Variants in PBX3 observed in about 807,000 individuals in gnomAD.
PBX3 encodes the protein PBX homeobox 3, also known as pre-B-cell leukemia transcription factor 3.
Under a neutral mutation model 48.5 loss-of-function variants are expected in PBX3, and 14 were observed. The observed-to-expected ratio is 0.29, with a 90% CI of 0.19 to 0.45. PBX3 has a LOEUF of 0.45. PBX3 is among the 20% of genes least tolerant of loss of function. The pLI, the probability that PBX3 is intolerant of heterozygous loss-of-function variation, is 1.00. For missense variants in PBX3, 386 were observed against 546.7 expected, an observed-to-expected ratio of 0.71 and a Z score of 2.93; for synonymous variants, 210 against 200.3, an observed-to-expected ratio of 1.05 and a Z score of -0.41.
intron 2 of PBX3, among the ~76,000 whole-genome samples, chr9:125,915,061 G>C (rs574275085): frequency 6.6e-6 from 1 of 152,096 alleles, no homozygotes; most frequent in East Asian, 1.9e-4. Flanking sequence ...TTTATAGTTT[G>C]CTGGCAATTG....
At chr9:125,925,239 C>T (rs765874005) in intron 3 of PBX3, among the ~76,000 whole-genome samples, 23 of 152,174 alleles carry the variant, frequency 1.5e-4, no homozygotes, top group African/African-American at 5.1e-4. Flanking sequence ...TAGCGTTTCC[C>T]GAAGAGTTTT....
chr9:125,813,899 T>G (rs1314396279), intron 2 of PBX3, among the ~76,000 whole-genome samples: 3 of 149,678 alleles, frequency 2.0e-5, no homozygotes, highest in Non-Finnish European at 3.0e-5. Flanking sequence ...GCACGGTGGC[T>G]CATACCTGTA....
chr9:125,870,836 T>A (rs1276183798), intron 2 of PBX3, among the ~76,000 whole-genome samples: 1 of 152,200 alleles, frequency 6.6e-6, no homozygotes, highest in Admixed American at 6.5e-5. Flanking sequence ...AGACATTGTT[T>A]ATATACCAAA....
At chr9:125,939,242 A>G (rs1453205347) in intron 5 of PBX3, among the ~76,000 whole-genome samples, 1 of 152,162 alleles carries the variant, frequency 6.6e-6, no homozygotes, top group East Asian at 1.9e-4. Flanking sequence ...CAAAATATAT[A>G]AGGAACTCCT....
intron 2 of PBX3, among the ~76,000 whole-genome samples, chr9:125,859,370 A>G (rs998643279): frequency 1.3e-5 from 2 of 152,190 alleles, no homozygotes; most frequent in African/African-American, 4.8e-5. Context: ...GATATGCTTC[A>G]GAGGGAAGGC....
intron 2 of PBX3, among the ~76,000 whole-genome samples, chr9:125,755,794 T>C (rs1253009685): frequency 2.6e-5 from 4 of 151,720 alleles, no homozygotes; most frequent in Non-Finnish European, 5.9e-5. Flanking sequence ...TATGATTATT[T>C]AAATGAAATG....
At chr9:125,786,759 C>G (rs557250286) in intron 2 of PBX3, among the ~76,000 whole-genome samples, 5 of 150,658 alleles carry the variant, frequency 3.3e-5, no homozygotes, top group East Asian at 1.9e-4. Flanking sequence ...GAGTTTCGCT[C>G]TGTCACCCAG....
chr9:125,859,734 A>G (rs1187823884), intron 2 of PBX3, among the ~76,000 whole-genome samples: 1 of 152,206 alleles, frequency 6.6e-6, no homozygotes, highest in African/African-American at 2.4e-5. Flanking sequence ...CCTAGACAGT[A>G]TTGGGTATTT....
chr9:125,917,916 G>A (rs1015699446), intron 3 of PBX3, among the ~76,000 whole-genome samples: 4 of 152,248 alleles, frequency 2.6e-5, no homozygotes, highest in Non-Finnish European at 2.9e-5. Flanking sequence ...TCGTGTGTAT[G>A]TATGTAAAAA....
intron 2 of PBX3, among the ~76,000 whole-genome samples, chr9:125,806,077 G>A (rs907394367): frequency 3.9e-5 from 6 of 152,198 alleles, no homozygotes; most frequent in African/African-American, 1.2e-4. Flanking sequence ...GAGAGGTGGT[G>A]TTGAAATTTT....
intron 2 of PBX3, among the ~76,000 whole-genome samples, chr9:125,803,302 G>C (rs1406122400): frequency 6.6e-6 from 1 of 151,264 alleles, no homozygotes. Context: ...TGGCCAGGCT[G>C]GTCTTGAACT....
intron 2 of PBX3, chr9:125,843,671 T>C (rs1211462512): frequency 5.9e-6 from 2 of 341,744 alleles, no homozygotes; most frequent in Non-Finnish European, 1.2e-5. Flanking sequence ...ACCAGAGAAC[T>C]TTTAAAAATA....
intron 2 of PBX3, among the ~76,000 whole-genome samples, chr9:125,818,554 T>C (rs1264044518): frequency 2.6e-5 from 4 of 152,150 alleles, no homozygotes; most frequent in Non-Finnish European, 5.9e-5. Context: ...TTCTCCATGT[T>C]GACCAGCTGG....
chr9:125,755,974 C>A (rs1178893864), intron 2 of PBX3, among the ~76,000 whole-genome samples: 1 of 151,900 alleles, frequency 6.6e-6, no homozygotes, highest in East Asian at 1.9e-4. Flanking sequence ...TCACTTATCT[C>A]TTCTCAGAAG....
intron 2 of PBX3, among the ~76,000 whole-genome samples, chr9:125,805,836 T>C (rs1838109661): frequency 1.3e-5 from 2 of 152,182 alleles, no homozygotes; most frequent in South Asian, 4.1e-4. Context: ...GGTTCATTAG[T>C]TTATTCAAGA....
intron 2 of PBX3, among the ~76,000 whole-genome samples, chr9:125,832,691 C>T (rs368121388): frequency 2.0e-5 from 3 of 152,338 alleles, no homozygotes; most frequent in East Asian, 1.9e-4. Context: ...GATTCACTTG[C>T]TTAGATTCTC....
At chr9:125,808,893 T>C (rs1432078924) in intron 2 of PBX3, among the ~76,000 whole-genome samples, 6 of 152,288 alleles carry the variant, frequency 3.9e-5, no homozygotes, top group Non-Finnish European at 5.9e-5. Context: ...CTGTAACTCA[T>C]GTCTTAACGA....
chr9:125,876,010 TCTTTCC>T (rs1373980493), intron 2 of PBX3, among the ~76,000 whole-genome samples: 2 of 152,204 alleles, frequency 1.3e-5, no homozygotes, highest in Non-Finnish European at 2.9e-5. Flanking sequence ...TGGTCTACTT[TCTTTCC>T]TTAAGGACAA....
chr9:125,816,083 C>T (rs1838452893), intron 2 of PBX3, among the ~76,000 whole-genome samples: 1 of 152,148 alleles, frequency 6.6e-6, no homozygotes, highest in Admixed American at 6.5e-5. Flanking sequence ...TGGCTCACTG[C>T]AGCCCCGACT....
Sources: allele counts gnomAD v4.1 joint callset (sites outside exome capture counted in the v4.1 genomes callset), GRCh38; gene constraint gnomAD v4.1.1; transcripts MANE v1.5; gene names NCBI Gene and HGNC (gene_info 2026-07-23, HGNC 2026-07-21).